CD226: variants seen among roughly 807,000 people sequenced by gnomAD.
CD226 encodes CD226 molecule, also known as CD226 antigen.
A neutral mutation model predicts 34.9 loss-of-function variants in CD226; 24 were observed. That is an observed-to-expected ratio of 0.69 (90% CI 0.50 to 0.97). The LOEUF (loss-of-function observed/expected upper bound fraction) is 0.97, where lower values mean the gene tolerates loss of function less well. CD226 is among the 50% of genes least tolerant of loss of function. CD226 has a pLI of 0.00. For missense variants in CD226, 397 were observed against 412.7 expected (o/e 0.96, Z 0.33); for synonymous variants, 148 against 147.4 (o/e 1.00, Z -0.03).
At chr18:69,950,974 TGTG>T (rs1455732382), upstream of CD226, among the ~76,000 whole-genome samples, 9 of 9,340 alleles carry the variant, frequency 9.6e-4, no homozygotes, top group South Asian at 0.087. Flanking sequence ...TATGATTTTG[TGTG>T]TGTGTGTGTG....
rs763292378 is a variant in CD226 at position 69,895,834 on chromosome 18, G to A, written c.594C>T (p.Asn198=). 4 of 1,614,196 alleles carry A rather than the reference G, an allele frequency of 2.5e-6. No homozygotes were observed. Among genetic ancestry groups the A allele is most frequent in the South Asian group, 1.1e-5 (1 of 91,086 alleles). The change falls in exon 3 of 6, where the codon AAC becomes AAT. Residue 198 remains asparagine, a synonymous_variant. Transcript: ENST00000582621. ...TSKFPRQIVS[N]CSHGRWSVIV... is the part of the protein sequence containing the mutation. ...TGACGCTCCACCTTCCGTGGCTGCA[G>A]TTGCTCACTATTTGTCTTGGGAACT...
Position 69,854,393 on chromosome 18 carries a change from T to C in CD226, c.*9921A>G, listed in dbSNP as rs1196581581. On this transcript the variant is annotated 3_prime_UTR_variant, in exon 6 of 6. Coordinates refer to ENST00000582621, the MANE Select transcript of CD226 (RefSeq NM_001303618.2). ...TGGACTGGTGTGAGCAAGAAACCCA[T>C]GGGGGCTGTGCTCTTGAGGCACTCC... 6.6e-6 allele frequency: 1 copy of C among 152,260 alleles called. No homozygotes were observed. Among genetic ancestry groups the C allele is most frequent in the African/African-American group, 2.4e-5 (1 of 41,464 alleles). 9.4% of individuals were successfully genotyped at this position (152,260 alleles called of 1,614,324 possible).
At chr18:69,880,178 T>G (rs1788094) in intron 3 of CD226, among the ~76,000 whole-genome samples, 147,149 of 151,048 alleles carry the variant, frequency 0.97, 71,801 homozygotes, top group East Asian at 1. Context: ...AGGAAAGGAA[T>G]GGAAGGGAAG....
At chr18:69,867,945 T>C (rs531684417) in intron 4 of CD226, among the ~76,000 whole-genome samples, 1 of 152,330 alleles carries the variant, frequency 6.6e-6, no homozygotes, top group East Asian at 1.9e-4. Flanking sequence ...GAAGAGTAAC[T>C]TGTCCCAAAT....
At chr18:69,923,600 C>G (rs908880641) in intron 2 of CD226, among the ~76,000 whole-genome samples, 6 of 152,114 alleles carry the variant, frequency 3.9e-5, no homozygotes, top group Non-Finnish European at 4.4e-5. Flanking sequence ...GGGAAACTTG[C>G]AAGAAAGTGA....
At chr18:69,940,609 C>T (rs917390351) in intron 2 of CD226, among the ~76,000 whole-genome samples, 4 of 145,504 alleles carry the variant, frequency 2.7e-5, no homozygotes, top group South Asian at 2.2e-4. Flanking sequence ...GGCATTTTGC[C>T]CCTGCCCCAG....
At chr18:69,923,724 C>T (rs113793871) in intron 2 of CD226, among the ~76,000 whole-genome samples, 45 of 152,140 alleles carry the variant, frequency 3.0e-4, no homozygotes, top group African/African-American at 1.0e-3. Flanking sequence ...GAGGCCGAGG[C>T]GGGCGGATCA....
intron 4 of CD226, among the ~76,000 whole-genome samples, chr18:69,868,294 T>TA (rs1462742368): frequency 6.6e-6 from 1 of 152,194 alleles, no homozygotes; most frequent in Non-Finnish European, 1.5e-5. Flanking sequence ...ACTCCTCTGT[T>TA]AGATACAGAA....
At chr18:69,946,265 A>T (rs988043613) in intron 2 of CD226, among the ~76,000 whole-genome samples, 2 of 150,366 alleles carry the variant, frequency 1.3e-5, no homozygotes, top group African/African-American at 4.9e-5. Flanking sequence ...AAAGAGAGAG[A>T]GAGAAAGAAA....
upstream of CD226, among the ~76,000 whole-genome samples, chr18:69,960,922 C>G (rs1203284302): frequency 6.6e-6 from 1 of 152,102 alleles, no homozygotes; most frequent in East Asian, 1.9e-4. Context: ...CAATCACTGT[C>G]AATATTTAAC....
chr18:69,938,815 T>C (rs1292438703), intron 2 of CD226, among the ~76,000 whole-genome samples: 2 of 152,244 alleles, frequency 1.3e-5, no homozygotes, highest in Non-Finnish European at 2.9e-5. Flanking sequence ...CCAGGCAAGG[T>C]GGCCTATGCC....
At chr18:69,949,272 G>T (rs367603367), upstream of CD226, among the ~76,000 whole-genome samples, 5 of 152,296 alleles carry the variant, frequency 3.3e-5, no homozygotes, top group East Asian at 1.9e-4. Flanking sequence ...ACATGGAGCC[G>T]CCGAGGAGCT....
chr18:69,954,903 T>C (rs1036946356), intron 1 of CD226, among the ~76,000 whole-genome samples: 1 of 152,202 alleles, frequency 6.6e-6, no homozygotes, highest in South Asian at 2.1e-4. Flanking sequence ...ATTTTTGTTG[T>C]GTCAGCAGCC....
chr18:69,924,692 C>CAAAAAAAAAAAAAAAA (rs56118102), intron 2 of CD226, among the ~76,000 whole-genome samples: 2 of 57,126 alleles, frequency 3.5e-5, no homozygotes, highest in Non-Finnish European at 3.1e-5. Flanking sequence ...AAGGTATTGC[C>CAAAAAAAAAAAAAAAA]AAAAAAAAAA....
Position 69,866,906 on chromosome 18 carries a change from C to G in CD226, c.885+451G>C, listed in dbSNP as rs945915351. On this transcript the variant is annotated intron_variant, in intron 5 of 5. Coordinates refer to ENST00000582621, the MANE Select transcript of CD226 (RefSeq NM_001303618.2). ...AGCGATGTGTCTACCAGCCAAGGAT[C>G]GACAGCTCCACTAGAAGCTGGATAG... Among the ~76,000 whole-genome samples, 5 of 152,134 alleles carry G rather than the reference C, an allele frequency of 3.3e-5. No individual in the cohort carries two copies. The East Asian group carries it at 9.6e-4, about 29-fold the overall frequency.
intron 2 of CD226, among the ~76,000 whole-genome samples, chr18:69,940,310 A>C (rs892712502): frequency 2.0e-5 from 3 of 152,242 alleles, no homozygotes; most frequent in African/African-American, 7.2e-5. Context: ...TGAGTAATAC[A>C]GTAAATGAGT....
intron 2 of CD226, among the ~76,000 whole-genome samples, chr18:69,914,035 T>C (rs991781653): frequency 2.0e-5 from 3 of 152,160 alleles, no homozygotes; most frequent in Admixed American, 2.0e-4. Context: ...ATTTCCAAAA[T>C]TTGGAAAGCT....
At chr18:69,921,615 G>T (rs1236658933) in intron 2 of CD226, among the ~76,000 whole-genome samples, 1 of 152,182 alleles carries the variant, frequency 6.6e-6, no homozygotes, top group Non-Finnish European at 1.5e-5. Flanking sequence ...CACCTGCCCT[G>T]TGGGAAGACC....
At chr18:69,886,452 TC>T in intron 3 of CD226, among the ~76,000 whole-genome samples, 2 of 152,200 alleles carry the variant, frequency 1.3e-5, no homozygotes. Context: ...ACGTCTGCAA[TC>T]CCGGCACTTT....
Sources: gnomAD v4.1 joint callset for allele counts (sites outside exome capture counted in the v4.1 genomes callset) on GRCh38, gnomAD v4.1.1 for gene constraint, MANE v1.5 for transcripts, NCBI Gene and HGNC (gene_info 2026-07-23, HGNC 2026-07-21) for gene names.